The following CTTN variants were observed in gnomAD, a reference collection of about 807,000 sequenced individuals.
CTTN encodes cortactin.
In CTTN, 28 loss-of-function variants were observed where a neutral mutation model predicts 84.0. The ratio of observed to expected loss-of-function variants is 0.33; its 90% confidence interval spans 0.25 to 0.46. The LOEUF (loss-of-function observed/expected upper bound fraction) is 0.46, where lower values mean the gene tolerates loss of function less well. Ranked by LOEUF, CTTN falls within the 20% of genes least tolerant of loss-of-function variation. CTTN has a pLI of 1.00. For synonymous variants in CTTN, 301 were observed against 288.8 expected, an observed-to-expected ratio of 1.04 and a Z score of -0.43; for missense variants, 641 against 723.8, an observed-to-expected ratio of 0.89 and a Z score of 1.31.
At chr11:70,423,845 A>C (rs918628175) in intron 12 of CTTN, among the ~76,000 whole-genome samples, 1 of 152,200 alleles carries the variant, frequency 6.6e-6, no homozygotes, top group Non-Finnish European at 1.5e-5. Context: ...GTTAGCAGGC[A>C]AGGAACACTG....
chr11:70,423,856 G>C (rs551953597), intron 12 of CTTN, among the ~76,000 whole-genome samples: 2 of 152,196 alleles, frequency 1.3e-5, no homozygotes, highest in African/African-American at 2.4e-5. Flanking sequence ...AGGAACACTG[G>C]GGGGGTCTAC....
At chr11:70,428,062 C>G (rs539837142) in intron 13 of CTTN, among the ~76,000 whole-genome samples, 2 of 151,214 alleles carry the variant, frequency 1.3e-5, no homozygotes, top group East Asian at 3.9e-4. Flanking sequence ...AGTCAACTTG[C>G]AGCTCTCATG....
chr11:70,428,567 C>T (rs1347706138), intron 13 of CTTN, among the ~76,000 whole-genome samples: 2 of 152,062 alleles, frequency 1.3e-5, no homozygotes, highest in Non-Finnish European at 2.9e-5. Context: ...TCAGTCTTCC[C>T]GTCTCAACCT....
Position 70,436,196 on chromosome 11 carries a change from T to C in CTTN, c.*1034T>C. On this transcript the variant is annotated 3_prime_UTR_variant, in exon 18 of 18. Transcript: ENST00000301843. ...TCAGTTGAAGGCTAGAAGTGTGAAG[T>C]GCAGATGAGTGTGTGTTCTTCCCCA... The C allele has an allele frequency of 6.5e-7, 1 of 1,544,668 alleles. No individual in the cohort carries two copies. Among genetic ancestry groups the C allele is most frequent in the Non-Finnish European group, 8.7e-7 (1 of 1,154,182 alleles).
At position 70,435,862 on chromosome 11, in the gene CTTN, C is replaced by T. The variant is rs779463316; in HGVS notation, c.*700C>T. ...GGCTGCTGGGAGCCTCTCCTGTCCC[C>T]GCCGGGCAGTGTCACTGAGTCCTTG... is the stretch of plus-strand genomic sequence containing the variant. On this transcript the variant is annotated 3_prime_UTR_variant, in exon 18 of 18. Coordinates refer to ENST00000301843, the MANE Select transcript of CTTN (RefSeq NM_005231.4). 1.6e-4 allele frequency: 234 copies of T among 1,509,642 alleles called. No individual in the cohort carries two copies. The highest frequency in any genetic ancestry group is 4.1e-4 in the African/African-American group (29 of 71,258). The allele number at this position is 1,509,642 out of a possible 1,614,324, so 93.5% of individuals were successfully genotyped here.
At chr11:70,434,848 C>G (rs2058396791) in intron 17 of CTTN, among the ~76,000 whole-genome samples, 178 bp from the exon 18 acceptor site, 1 of 152,228 alleles carries the variant, frequency 6.6e-6, no homozygotes, top group African/African-American at 2.4e-5. Context: ...GGTTCATGTT[C>G]ACAAATCCTG....
intron 15 of CTTN, among the ~76,000 whole-genome samples, chr11:70,432,418 C>T (rs1266962575): frequency 6.6e-6 from 1 of 152,204 alleles, no homozygotes. Flanking sequence ...CTCCTGGGTG[C>T]GCGGTTCTGA....
At chr11:70,416,027 G>T in intron 7 of CTTN, 1 of 349,160 alleles carries the variant, frequency 2.9e-6, no homozygotes, top group Non-Finnish European at 5.3e-6. Flanking sequence ...CATCTGGGCA[G>T]CGCTCCTCCT....
chr11:70,414,664 G>A lies in CTTN; in HGVS notation c.402+12G>A, dbSNP rs371890281. 6.4e-5 allele frequency: 103 copies of A among 1,603,052 alleles called. No homozygotes were observed. Among genetic ancestry groups the A allele is most frequent in the Admixed American group, 1.7e-4 (10 of 59,988 alleles). On this transcript the variant is annotated intron_variant, in intron 6 of 17. Coordinates refer to ENST00000301843, the MANE Select transcript of CTTN (RefSeq NM_005231.4). ...ACAGAGTTGATCAGGTGAGTGATGT[G>A]GCACTGGGACTGGGGCAGGTTGGGG...
At chr11:70,409,321 A>G (rs2058075451) in intron 4 of CTTN, among the ~76,000 whole-genome samples, 1 of 152,138 alleles carries the variant, frequency 6.6e-6, no homozygotes, top group Non-Finnish European at 1.5e-5. Flanking sequence ...AAAATTTTTT[A>G]ATGGCATTTA....
chr11:70,430,844 C>T (rs577761608), intron 14 of CTTN, among the ~76,000 whole-genome samples: 3 of 152,304 alleles, frequency 2.0e-5, no homozygotes, highest in Middle Eastern at 6.8e-3. Flanking sequence ...GGCACTGTCG[C>T]GTCACTGGCT....
intron 1 of CTTN, 122 bp downstream of exon 1, chr11:70,398,736 T>C (rs2135538463): frequency 6.6e-6 from 1 of 151,836 alleles, no homozygotes; most frequent in Admixed American, 6.5e-5. Context: ...GCTCTTCCGC[T>C]TGCGGTTTCG....
At chr11:70,432,393 T>G (rs575927839) in intron 15 of CTTN, among the ~76,000 whole-genome samples, 1 of 152,314 alleles carries the variant, frequency 6.6e-6, no homozygotes, top group East Asian at 1.9e-4. Context: ...TCTCCACCAC[T>G]GGCTCTTCCC....
intron 5 of CTTN, among the ~76,000 whole-genome samples, 168 bp from the exon 6 acceptor site, chr11:70,414,374 G>C (rs913699303): frequency 6.6e-6 from 1 of 151,148 alleles, no homozygotes; most frequent in East Asian, 1.9e-4. Context: ...CCAAGGACCC[G>C]GGCCTCCCAG....
At chr11:70,411,836 C>T (rs2058099705) in intron 5 of CTTN, among the ~76,000 whole-genome samples, 1 of 152,190 alleles carries the variant, frequency 6.6e-6, no homozygotes, top group Non-Finnish European at 1.5e-5. Flanking sequence ...GCTGTCCTTG[C>T]CTCATCCTGC....
At chr11:70,408,235 T>C (rs927462047) in intron 4 of CTTN, 2 of 152,288 alleles carry the variant, frequency 1.3e-5, no homozygotes, top group African/African-American at 4.8e-5. Flanking sequence ...TTTCCCTGGC[T>C]GTGAAGGCAG....
intron 8 of CTTN, among the ~76,000 whole-genome samples, chr11:70,418,512 A>G (rs933342063): frequency 5.9e-5 from 9 of 152,228 alleles, no homozygotes; most frequent in African/African-American, 2.2e-4. Context: ...TTGTGCTGTT[A>G]GTGGGTCCAT....
intron 13 of CTTN, 86 bp downstream of exon 13, chr11:70,425,487 G>C (rs745905190): frequency 6.4e-6 from 6 of 933,764 alleles, no homozygotes; most frequent in Non-Finnish European, 1.0e-5. Context: ...GCCAGGAGCA[G>C]ATGCACCACT....
intron 5 of CTTN, among the ~76,000 whole-genome samples, chr11:70,413,241 T>C (rs1484880347): frequency 6.6e-6 from 1 of 152,202 alleles, no homozygotes; most frequent in East Asian, 1.9e-4. Context: ...CAGGTTAGCA[T>C]GAGTGGCTCC....
Sources: gnomAD v4.1 joint callset for allele counts (sites outside exome capture counted in the v4.1 genomes callset) on GRCh38, gnomAD v4.1.1 for gene constraint, MANE v1.5 for transcripts, NCBI Gene and HGNC (gene_info 2026-07-23, HGNC 2026-07-21) for gene names.